Variants in FAR2 observed in about 807,000 individuals in gnomAD.
The protein encoded by FAR2 is fatty acyl-CoA reductase 2.
FAR2 carries 19 observed loss-of-function variants against 56.0 expected under a neutral mutation model. The ratio of observed to expected loss-of-function variants is 0.34; its 90% CI spans 0.24 to 0.50. FAR2 has a LOEUF of 0.50. FAR2 is among the 20% of genes least tolerant of loss of function. FAR2 has a pLI of 0.98. For missense variants in FAR2, 508 were observed against 642.2 expected (o/e 0.79, Z 2.26); for synonymous variants, 219 against 218.8 (o/e 1.00, Z -0.01).
intron 1 of FAR2, among the ~76,000 whole-genome samples, chr12:29,238,326 A>T (rs755124297): frequency 2.0e-5 from 3 of 152,152 alleles, no homozygotes; most frequent in Non-Finnish European, 4.4e-5. Context: ...TAACACTAAG[A>T]TACCCAATTA....
chr12:29,190,949 T>G (rs542397730), intron 1 of FAR2, among the ~76,000 whole-genome samples: 1 of 152,352 alleles, frequency 6.6e-6, no homozygotes, highest in African/African-American at 2.4e-5. Flanking sequence ...GGGTGTTCTC[T>G]TCTTCTGAAA....
intron 1 of FAR2, among the ~76,000 whole-genome samples, chr12:29,161,035 A>G (rs1949777540): frequency 2.0e-5 from 3 of 152,224 alleles, no homozygotes; most frequent in Admixed American, 1.3e-4. Context: ...GTGTACTAAA[A>G]AAAAGTACAT....
chr12:29,328,073 C>A (rs929545071), intron 10 of FAR2, among the ~76,000 whole-genome samples: 64 of 152,194 alleles, frequency 4.2e-4, no homozygotes, highest in Middle Eastern at 3.4e-3. Context: ...AAACAAACAA[C>A]CCCATCAAAA....
intron 1 of FAR2, among the ~76,000 whole-genome samples, chr12:29,219,219 C>G (rs76218498): frequency 6.6e-6 from 1 of 152,030 alleles, no homozygotes; most frequent in Non-Finnish European, 1.5e-5. Flanking sequence ...CAGATAGGTA[C>G]TATTATTACC....
intron 5 of FAR2, 49 bp downstream of exon 5, chr12:29,307,884 T>A (rs1156293421): frequency 6.5e-7 from 1 of 1,546,826 alleles, no homozygotes; most frequent in East Asian, 2.3e-5. Context: ...ACTAAGGTTC[T>A]TCTAGTCCAA....
chr12:29,254,950 C>CAAAAAAAA (rs759782873), intron 1 of FAR2, among the ~76,000 whole-genome samples: 1 of 121,546 alleles, frequency 8.2e-6, no homozygotes. Flanking sequence ...AAGACTGTCT[C>CAAAAAAAA]AAAAAAAAAA....
At chr12:29,161,524 T>C (rs1949782095) in intron 1 of FAR2, among the ~76,000 whole-genome samples, 1 of 152,260 alleles carries the variant, frequency 6.6e-6, no homozygotes, top group Admixed American at 6.5e-5. Flanking sequence ...ACTGTGAATA[T>C]GCCATACTTT....
intron 1 of FAR2, among the ~76,000 whole-genome samples, chr12:29,169,599 T>A (rs1194396783): frequency 6.6e-6 from 1 of 152,122 alleles, no homozygotes; most frequent in Non-Finnish European, 1.5e-5. Context: ...TTTCCTACTA[T>A]CCCTGACTGG....
chr12:29,278,337 A>G (rs1337289874), intron 2 of FAR2, among the ~76,000 whole-genome samples: 1 of 151,954 alleles, frequency 6.6e-6, no homozygotes, highest in East Asian at 1.9e-4. Context: ...GAGGCAGAGG[A>G]TAGACTTTTT....
chr12:29,223,489 G>A (rs1477676471), intron 1 of FAR2, among the ~76,000 whole-genome samples: 2 of 152,232 alleles, frequency 1.3e-5, no homozygotes, highest in African/African-American at 2.4e-5. Flanking sequence ...ATGGCTGATC[G>A]AATGAATTAA....
chr12:29,168,106 A>G (rs1360967969), intron 1 of FAR2, among the ~76,000 whole-genome samples: 1 of 152,216 alleles, frequency 6.6e-6, no homozygotes, highest in Non-Finnish European at 1.5e-5. Context: ...ATAACGTGTC[A>G]GTCAAGAGTA....
intron 1 of FAR2, among the ~76,000 whole-genome samples, chr12:29,208,023 G>A (rs575217034): frequency 1.2e-3 from 176 of 152,310 alleles, no homozygotes; most frequent in African/African-American, 4.1e-3. Flanking sequence ...TCAACAGACC[G>A]AGATCCCCAT....
chr12:29,250,962 C>G (rs1323774595), intron 1 of FAR2, among the ~76,000 whole-genome samples: 1 of 151,986 alleles, frequency 6.6e-6, no homozygotes, highest in Non-Finnish European at 1.5e-5. Context: ...TGGCAGGGGC[C>G]AAGTAGTGGC....
chr12:29,252,046 G>C (rs78565267), intron 1 of FAR2, among the ~76,000 whole-genome samples: 8,128 of 152,184 alleles, frequency 0.053, 521 homozygotes, highest in African/African-American at 0.15. Context: ...TGAACTGGAA[G>C]TTAGCACTGC....
chr12:29,212,128 T>A (rs909199712), intron 1 of FAR2, among the ~76,000 whole-genome samples: 35 of 152,016 alleles, frequency 2.3e-4, no homozygotes, highest in South Asian at 2.1e-4. Flanking sequence ...TTTTATCCTA[T>A]TTTTTGAGAA....
intron 2 of FAR2, among the ~76,000 whole-genome samples, chr12:29,283,165 G>T (rs889612223): frequency 2.6e-5 from 4 of 152,132 alleles, no homozygotes; most frequent in African/African-American, 9.7e-5. Flanking sequence ...CAAGTATCCA[G>T]GCATTAAGAA....
In FAR2 at chr12:29,321,923, G is replaced by A. The variant is rs755213222; in HGVS notation, c.1256G>A (p.Arg419Lys). The stretch of plus-strand genomic sequence containing the variant: ...TCTGAGCTGAGTCCTGAAGACCAGA[G>A]AGTAAGTAGAGCACTGACTTAAGCA... Reference protein sequence around the residue: ...LMSELSPEDQRVFNFDVRQLN... With the variant: ...LMSELSPEDQKVFNFDVRQLN... Residue 419 changes from arginine (R) to lysine (K), a missense_variant and splice_region_variant, in exon 10 of 12, where the codon AGA (arginine) becomes AAA (lysine). Physicochemically the swap from Arg to Lys is conservative, Grantham distance 26 (BLOSUM62 2). Coordinates refer to ENST00000536681, the MANE Select transcript of FAR2 (RefSeq NM_001271783.2). The A allele has an allele frequency of 6.2e-6, 10 of 1,611,550 alleles. No homozygotes were observed. In the Admixed American group the frequency reaches 1.5e-4, roughly 24 times the overall value.
At chr12:29,294,971 T>C (rs1949034594) in intron 3 of FAR2, among the ~76,000 whole-genome samples, 1 of 152,212 alleles carries the variant, frequency 6.6e-6, no homozygotes, top group South Asian at 2.1e-4. Context: ...TAAATTTCAG[T>C]TTTTAAACTA....
intron 1 of FAR2, among the ~76,000 whole-genome samples, chr12:29,182,833 T>A (rs528527780): frequency 2.0e-5 from 3 of 152,196 alleles, no homozygotes; most frequent in Admixed American, 2.0e-4. Flanking sequence ...AAGGGTTATC[T>A]ACGTATCTCT....
Sources: allele counts gnomAD v4.1 joint callset (sites outside exome capture counted in the v4.1 genomes callset), GRCh38; gene constraint gnomAD v4.1.1; transcripts MANE v1.5; gene names NCBI Gene and HGNC (gene_info 2026-07-23, HGNC 2026-07-21).